CWH43: variants seen among roughly 807,000 people sequenced by gnomAD.
CWH43 encodes the protein PGAP2-interacting protein.
CWH43 carries 91 observed loss-of-function variants against 85.7 expected under a neutral mutation model. The ratio of observed to expected loss-of-function variants is 1.06; its 90% CI spans 0.90 to 1.26. CWH43 has a LOEUF of 1.26. CWH43 is among the 50% of genes most tolerant of loss of function. The pLI, the probability that CWH43 is intolerant of heterozygous loss-of-function variation, is 0.00. For missense variants in CWH43, 869 were observed against 839.2 expected, an observed-to-expected ratio of 1.04 and a Z score of -0.44; for synonymous variants, 323 against 293.6, an observed-to-expected ratio of 1.10 and a Z score of -1.02.
chr4:49,017,801 A>G (rs1339909389), intron 9 of CWH43, among the ~76,000 whole-genome samples: 1 of 151,856 alleles, frequency 6.6e-6, no homozygotes, highest in African/African-American at 2.4e-5. Flanking sequence ...TATGTGGTGG[A>G]GCAGGAACAA....
chr4:49,050,459 G>T (rs923663175), intron 14 of CWH43, among the ~76,000 whole-genome samples: 6 of 152,042 alleles, frequency 3.9e-5, no homozygotes, highest in African/African-American at 1.2e-4. Context: ...GTAAAGTAAG[G>T]TTGCTAAGAA....
Position 49,006,836 on chromosome 4 carries a change from C to T in CWH43, c.1061-365C>T, listed in dbSNP as rs561656150. On this transcript the variant is annotated intron_variant, in intron 7 of 15. Coordinates refer to ENST00000226432, the MANE Select transcript of CWH43 (RefSeq NM_025087.3). ...CCATTGTGATCCTCAACCTGGTGCA[C>T]GGAAGGGCTCTTATTGCATCCCTAT... Among the ~76,000 whole-genome samples the T allele has an allele frequency of 2.6e-4, 39 of 152,248 alleles. No homozygotes were observed. In the South Asian group the frequency reaches 4.6e-3, roughly 18 times the overall value.
At chr4:49,007,402 A>T in intron 8 of CWH43, 76 bp downstream of exon 8, 1 of 1,386,976 alleles carries the variant, frequency 7.2e-7, no homozygotes, top group Non-Finnish European at 9.5e-7. Flanking sequence ...GAGTATAATG[A>T]TCCCTCATGT....
chr4:49,011,511 G>A (rs1783359098), intron 8 of CWH43, among the ~76,000 whole-genome samples: 1 of 152,164 alleles, frequency 6.6e-6, no homozygotes, highest in South Asian at 2.1e-4. Flanking sequence ...TCATTATGAT[G>A]TTAGCTGGTT....
Position 49,003,880 on chromosome 4 carries a change from G to T in CWH43, c.948G>T (p.Met316Ile). 10 of 1,613,942 alleles carry T rather than the reference G, an allele frequency of 6.2e-6. No homozygotes were observed. Among genetic ancestry groups the T allele is most frequent in the East Asian group, 2.2e-5 (1 of 44,878 alleles). Reference protein sequence around the residue: ...INSGTNPGKTMTIAMIFYLLE... With the variant: ...INSGTNPGKTITIAMIFYLLE... Reference sequence around the variant, plus strand: ...CAGGGACAAACCCTGGGAAAACCATGACCATTGCCATGATATTTTATCTTC... The same window carrying T: ...CAGGGACAAACCCTGGGAAAACCATTACCATTGCCATGATATTTTATCTTC... The change falls in exon 7 of 16, where the codon ATG (methionine) becomes ATT (isoleucine). Residue 316 changes from methionine to isoleucine, a missense_variant. Physicochemically the swap from Met to Ile is conservative, Grantham distance 10 (BLOSUM62 1). Around this residue, in one of 3 missense-constraint regions of CWH43, gnomAD observed 577 missense variants for 513.1 expected, o/e 1.12. Coordinates refer to ENST00000226432, the MANE Select transcript of CWH43 (RefSeq NM_025087.3).
chr4:49,036,027 G>A (rs1420641798), intron 12 of CWH43, among the ~76,000 whole-genome samples: 1 of 152,140 alleles, frequency 6.6e-6, no homozygotes, highest in African/African-American at 2.4e-5. Context: ...AGTTAACAGT[G>A]GGGAATCATT....
intron 12 of CWH43, among the ~76,000 whole-genome samples, chr4:49,034,583 T>C (rs1192527894): frequency 6.6e-6 from 1 of 152,182 alleles, no homozygotes; most frequent in Non-Finnish European, 1.5e-5. Flanking sequence ...GATTCAATAA[T>C]AATGACAACA....
chr4:48,996,334 T>TAC (rs1782813136), intron 5 of CWH43, among the ~76,000 whole-genome samples: 1 of 151,788 alleles, frequency 6.6e-6, no homozygotes, highest in Non-Finnish European at 1.5e-5. Context: ...CACACACATA[T>TAC]ATATATGTAT....
Position 49,017,280 on chromosome 4 carries a change from G to A in CWH43, c.1218G>A (p.Leu406=), listed in dbSNP as rs267600178. ...FLWLLVGVGL[L]GLGLRHKAYE... ...GGCTGCTTGTTGGTGTGGGATTGTT[G>A]GGATTAGGACTACGGCATAAAGCCT... The change falls in exon 9 of 16, where the codon TTG becomes TTA. Residue 406 remains leucine (L), a synonymous_variant. Transcript: ENST00000226432. 2.5e-6 allele frequency: 4 copies of A among 1,612,040 alleles called. No homozygotes were observed. Among genetic ancestry groups the A allele is most frequent in the Non-Finnish European group, 3.4e-6 (4 of 1,178,890 alleles).
At position 49,007,248 on chromosome 4, in the gene CWH43, A is replaced by G. The variant is rs1299476484; in HGVS notation, c.1108A>G (p.Lys370Glu). The change falls in exon 8 of 16, where the codon AAA (lysine) becomes GAA (glutamate). Residue 370 changes from lysine to glutamate, a missense_variant. Physicochemically the swap from Lys to Glu is moderately conservative, Grantham distance 56. Around this residue, in one of 3 missense-constraint regions of CWH43, gnomAD observed 577 missense variants for 513.1 expected, o/e 1.12. Coordinates refer to ENST00000226432, the MANE Select transcript of CWH43 (RefSeq NM_025087.3). ...GCTGAATATGCTATTTGGTCCTAAG[A>G]AAAACCTTGACTTGCTTCTTCAAAC... ...IGLNMLFGPK[K>E]NLDLLLQTKN... 1 of 1,611,938 alleles carries G rather than the reference A, an allele frequency of 6.2e-7. No homozygotes were observed. The highest frequency in any genetic ancestry group is 8.5e-7 in the Non-Finnish European group (1 of 1,179,006).
At chr4:49,030,440 T>C (rs1784058949) in intron 10 of CWH43, among the ~76,000 whole-genome samples, 1 of 152,224 alleles carries the variant, frequency 6.6e-6, no homozygotes, top group Admixed American at 6.5e-5. Flanking sequence ...ATCAACTTAG[T>C]TCTGGGTCAG....
intron 9 of CWH43, among the ~76,000 whole-genome samples, chr4:49,026,082 A>T (rs1783907861): frequency 6.6e-6 from 1 of 152,018 alleles, no homozygotes; most frequent in Non-Finnish European, 1.5e-5. Context: ...TTTCCAGGAG[A>T]ATTATTGCTG....
intron 13 of CWH43, among the ~76,000 whole-genome samples, chr4:49,038,862 T>C (rs1231586482): frequency 6.6e-6 from 1 of 151,462 alleles, no homozygotes; most frequent in African/African-American, 2.4e-5. Flanking sequence ...ATCGAGACCA[T>C]CCTGGTTAAC....
At chr4:49,001,651 T>C (rs1434538774) in intron 6 of CWH43, among the ~76,000 whole-genome samples, 1 of 152,176 alleles carries the variant, frequency 6.6e-6, no homozygotes, top group African/African-American at 2.4e-5. Context: ...ATTGTAATTT[T>C]GAATTTATAA....
chr4:49,060,013 C>T (rs1321257697), intron 15 of CWH43, among the ~76,000 whole-genome samples: 1 of 152,088 alleles, frequency 6.6e-6, no homozygotes, highest in Non-Finnish European at 1.5e-5. Flanking sequence ...TCCTATGGGC[C>T]TGTACTCTGG....
intron 13 of CWH43, among the ~76,000 whole-genome samples, chr4:49,043,980 G>C (rs1244295971): frequency 6.6e-6 from 1 of 152,018 alleles, no homozygotes; most frequent in Non-Finnish European, 1.5e-5. Context: ...ATAATAAATT[G>C]TGATGTATTC....
At chr4:49,009,804 C>A (rs1320864994) in intron 8 of CWH43, among the ~76,000 whole-genome samples, 1 of 151,900 alleles carries the variant, frequency 6.6e-6, no homozygotes, top group Admixed American at 6.6e-5. Context: ...GTTGAACCCA[C>A]CTTGCATCCC....
chr4:49,013,719 T>C (rs969307164), intron 8 of CWH43, among the ~76,000 whole-genome samples: 3 of 152,192 alleles, frequency 2.0e-5, no homozygotes, highest in Non-Finnish European at 4.4e-5. Flanking sequence ...ACTTCTAACA[T>C]AGATAAGAGA....
intron 14 of CWH43, among the ~76,000 whole-genome samples, chr4:49,047,552 G>A (rs1784664389): frequency 6.6e-6 from 1 of 152,120 alleles, no homozygotes. Context: ...ATTGGAAGGA[G>A]GGAGCCATTT....
Sources: gnomAD v4.1 joint callset for allele counts (sites outside exome capture counted in the v4.1 genomes callset) on GRCh38, gnomAD v4.1.1 for gene constraint, gnomAD v4.1.1 regional missense constraint, MANE v1.5 for transcripts, NCBI Gene and HGNC (gene_info 2026-07-23, HGNC 2026-07-21) for gene names.